Variants in AGBL4 observed in about 807,000 individuals in gnomAD.
The protein encoded by AGBL4 is cytosolic carboxypeptidase 6.
Under a neutral mutation model 66.4 loss-of-function variants are expected in AGBL4, and 58 were observed. The observed-to-expected ratio is 0.87, with a 90% CI of 0.71 to 1.09. AGBL4 has a LOEUF of 1.09. Ranked by LOEUF, AGBL4 falls within the 50% of genes least tolerant of loss-of-function variation. The pLI, the probability that AGBL4 is intolerant of heterozygous loss-of-function variation, is 0.00. For missense variants in AGBL4, 579 were observed against 631.0 expected (o/e 0.92, Z 0.88); for synonymous variants, 234 against 222.9 (o/e 1.05, Z -0.44).
intron 3 of AGBL4, among the ~76,000 whole-genome samples, chr1:49,415,937 G>T (rs1645417550): frequency 6.6e-6 from 1 of 152,016 alleles, no homozygotes; most frequent in Admixed American, 6.6e-5. Context: ...GAGCTTATAG[G>T]ACATGCAGAA....
chr1:49,934,558 C>T (rs1653727680), intron 1 of AGBL4, among the ~76,000 whole-genome samples: 1 of 151,986 alleles, frequency 6.6e-6, no homozygotes, highest in Non-Finnish European at 1.5e-5. Context: ...TCTGAACAAC[C>T]AATGGGTCAA....
At chr1:48,609,162 TGA>T (rs1645198631) in intron 9 of AGBL4, among the ~76,000 whole-genome samples, 1 of 152,142 alleles carries the variant, frequency 6.6e-6, no homozygotes, top group African/African-American at 2.4e-5. Context: ...GGATACATGC[TGA>T]GAGAGCCTCT....
chr1:48,615,546 T>C (rs1044186881), intron 9 of AGBL4, among the ~76,000 whole-genome samples: 1 of 152,214 alleles, frequency 6.6e-6, no homozygotes, highest in African/African-American at 2.4e-5. Flanking sequence ...CTTTAATCTC[T>C]TAAGAGAATC....
At chr1:48,664,935 GA>G (rs1176511150) in intron 6 of AGBL4, among the ~76,000 whole-genome samples, 1 of 152,216 alleles carries the variant, frequency 6.6e-6, no homozygotes, top group Admixed American at 6.5e-5. Context: ...GATCTGGAGG[GA>G]GAGAATAGAA....
chr1:48,539,870 G>A, intron 11 of AGBL4, 132 bp from the exon 12 acceptor site: 1 of 526,612 alleles, frequency 1.9e-6, no homozygotes, highest in Non-Finnish European at 3.1e-6. Context: ...TGTATGCGCT[G>A]TCTTTTTTGA....
At chr1:49,657,007 A>G (rs762182014) in intron 3 of AGBL4, among the ~76,000 whole-genome samples, 18 of 152,276 alleles carry the variant, frequency 1.2e-4, no homozygotes, top group Non-Finnish European at 1.8e-4. Context: ...TTCTGGCCAG[A>G]GCAATCAGAC....
chr1:49,627,361 G>C (rs1304900584), intron 3 of AGBL4, among the ~76,000 whole-genome samples: 1 of 152,070 alleles, frequency 6.6e-6, no homozygotes, highest in Non-Finnish European at 1.5e-5. Flanking sequence ...AAATAGTGCA[G>C]TAGGCAAAAA....
chr1:48,777,351 G>C (rs1645150318), intron 6 of AGBL4, among the ~76,000 whole-genome samples: 1 of 152,066 alleles, frequency 6.6e-6, no homozygotes, highest in Non-Finnish European at 1.5e-5. Context: ...GGGCAATCTT[G>C]ATTGAATCTC....
chr1:49,501,609 G>T (rs1394357539), intron 3 of AGBL4, among the ~76,000 whole-genome samples: 1 of 151,418 alleles, frequency 6.6e-6, no homozygotes, highest in African/African-American at 2.4e-5. Context: ...CAGTTTCATT[G>T]ATTTATTATT....
intron 3 of AGBL4, among the ~76,000 whole-genome samples, chr1:49,599,739 T>C (rs1287391995): frequency 2.0e-5 from 3 of 152,350 alleles, no homozygotes; most frequent in East Asian, 1.9e-4. Flanking sequence ...CGCTTTCTCC[T>C]GTGGGCATTT....
intron 5 of AGBL4, among the ~76,000 whole-genome samples, chr1:48,980,098 C>G (rs1571150072): frequency 6.6e-6 from 1 of 152,120 alleles, no homozygotes; most frequent in Non-Finnish European, 1.5e-5. Context: ...TTAGCTCTGT[C>G]AGACTGTCCC....
At chr1:49,655,257 T>C (rs188832536) in intron 3 of AGBL4, among the ~76,000 whole-genome samples, 8 of 152,334 alleles carry the variant, frequency 5.3e-5, no homozygotes, top group African/African-American at 1.9e-4. Flanking sequence ...GAATGTTGAA[T>C]ATTAGCCCCC....
Position 49,085,403 on chromosome 1 carries a change from A to G in AGBL4, c.378-39603T>C, listed in dbSNP as rs374499485. On this transcript the variant is annotated intron_variant, in intron 4 of 13. Transcript: ENST00000371839. The stretch of plus-strand genomic sequence containing the variant: ...GGCCTTTTGTGTTGGACTGAATTAC[A>G]TCGCCAACTTTCTTGGTTCTCTAGC... 2.2e-4 allele frequency among the ~76,000 whole-genome samples: 33 copies of G among 152,076 alleles called. No homozygotes were observed. The East Asian group carries it at 4.5e-3, about 21-fold the overall frequency.
chr1:48,969,180 T>C (rs1658702952), intron 5 of AGBL4, among the ~76,000 whole-genome samples: 1 of 147,814 alleles, frequency 6.8e-6, no homozygotes, highest in Admixed American at 6.8e-5. Flanking sequence ...ACTTTCCATA[T>C]GTTTGGTCTG....
chr1:49,798,429 T>G (rs1644781471), intron 2 of AGBL4, among the ~76,000 whole-genome samples: 1 of 152,184 alleles, frequency 6.6e-6, no homozygotes, highest in South Asian at 2.1e-4. Context: ...TTTCATTTAC[T>G]CCATTAATGC....
At chr1:49,567,483 G>A (rs939515452) in intron 3 of AGBL4, among the ~76,000 whole-genome samples, 1 of 152,056 alleles carries the variant, frequency 6.6e-6, no homozygotes, top group Non-Finnish European at 1.5e-5. Context: ...TGATAATTAA[G>A]GGTATCAAAA....
rs531376276 is a variant in AGBL4 at position 48,954,052 on chromosome 1, GC to G, written c.595-86823del. Reference sequence around the variant, plus strand: ...CTTAGGGGGCTTCAGACATAGTAGTGCCTGCTAGGCCACACCCTTCCTTCTC... The same window carrying G: ...CTTAGGGGGCTTCAGACATAGTAGTGCTGCTAGGCCACACCCTTCCTTCTC... On this transcript the variant is annotated intron_variant, in intron 5 of 13. Coordinates refer to ENST00000371839, the MANE Select transcript of AGBL4 (RefSeq NM_032785.4). 2.9e-3 allele frequency among the ~76,000 whole-genome samples: 442 copies of G among 152,304 alleles called. 2 individuals are homozygous for G. The highest frequency in any genetic ancestry group is 0.01 in the African/African-American group (423 of 41,566).
chr1:50,018,053 T>C (rs1055296636), intron 1 of AGBL4, among the ~76,000 whole-genome samples: 2 of 152,218 alleles, frequency 1.3e-5, no homozygotes, highest in African/African-American at 4.8e-5. Context: ...TTGTTTTTGA[T>C]GTCCCTTCCC....
chr1:49,820,768 G>T (rs1310370419), intron 2 of AGBL4, among the ~76,000 whole-genome samples: 1 of 152,132 alleles, frequency 6.6e-6, no homozygotes, highest in Non-Finnish European at 1.5e-5. Flanking sequence ...TATAAATGCT[G>T]AATAACCAAA....
Sources: allele counts gnomAD v4.1 joint callset (sites outside exome capture counted in the v4.1 genomes callset), GRCh38; gene constraint gnomAD v4.1.1; transcripts MANE v1.5; gene names NCBI Gene and HGNC (gene_info 2026-07-23, HGNC 2026-07-21).